Variants in TMTC2 observed in about 807,000 individuals in gnomAD.
The protein encoded by TMTC2 is transmembrane O-mannosyltransferase targeting cadherins 2.
Under a neutral mutation model 82.4 loss-of-function variants are expected in TMTC2, and 43 were observed. The ratio of observed to expected loss-of-function variants is 0.52; its 90% CI spans 0.41 to 0.67. The LOEUF is 0.67. TMTC2 is among the 30% of genes least tolerant of loss of function. TMTC2 has a pLI of 0.00. For synonymous variants in TMTC2, 408 were observed against 381.9 expected, an observed-to-expected ratio of 1.07 and a Z score of -0.80; for missense variants, 919 against 1,012.4, an observed-to-expected ratio of 0.91 and a Z score of 1.25.
chr12:82,945,131 G>A (rs540859073), intron 4 of TMTC2, among the ~76,000 whole-genome samples: 1 of 152,234 alleles, frequency 6.6e-6, no homozygotes, highest in African/African-American at 2.4e-5. Flanking sequence ...ATTAAGCCTT[G>A]CACTCCCCAC....
intron 1 of TMTC2, chr12:82,760,329 C>T (rs948109825): frequency 3.9e-5 from 6 of 152,024 alleles, no homozygotes; most frequent in African/African-American, 9.7e-5. Flanking sequence ...TCTGTTTATA[C>T]TCAGTGTCAA....
At chr12:83,051,663 G>A (rs1565869900) in intron 10 of TMTC2, among the ~76,000 whole-genome samples, 1 of 152,068 alleles carries the variant, frequency 6.6e-6, no homozygotes, top group Admixed American at 6.6e-5. Context: ...ATGTTTAATA[G>A]TGGAGAGGAT....
intron 9 of TMTC2, among the ~76,000 whole-genome samples, chr12:83,049,469 C>T (rs979397298): frequency 1.3e-5 from 2 of 152,136 alleles, no homozygotes; most frequent in Non-Finnish European, 2.9e-5. Context: ...CAGTTCCACC[C>T]AGGTTACTGC....
At chr12:83,038,110 G>A (rs889922577) in intron 9 of TMTC2, among the ~76,000 whole-genome samples, 2 of 139,944 alleles carry the variant, frequency 1.4e-5, no homozygotes, top group African/African-American at 5.4e-5. Flanking sequence ...ACACAGGAAG[G>A]GGAACATCAC....
chr12:82,892,506 G>A (rs1873446364), intron 2 of TMTC2, among the ~76,000 whole-genome samples: 1 of 150,668 alleles, frequency 6.6e-6, no homozygotes, highest in African/African-American at 2.5e-5. Flanking sequence ...AAAGAATAAA[G>A]TAGTTTTGCC....
chr12:83,118,689 A>G (rs1255058918), intron 11 of TMTC2, among the ~76,000 whole-genome samples: 1 of 152,192 alleles, frequency 6.6e-6, no homozygotes, highest in Non-Finnish European at 1.5e-5. Flanking sequence ...GCTTCATAGA[A>G]TGAATTAAGG....
chr12:82,955,582 A>C (rs2137286340), intron 4 of TMTC2, among the ~76,000 whole-genome samples: 1 of 152,322 alleles, frequency 6.6e-6, no homozygotes, highest in South Asian at 2.1e-4. Flanking sequence ...GATGATGATC[A>C]GGGGAAAAAA....
chr12:82,825,170 C>T (rs1459157186), intron 1 of TMTC2, among the ~76,000 whole-genome samples: 1 of 151,836 alleles, frequency 6.6e-6, no homozygotes, highest in Non-Finnish European at 1.5e-5. Context: ...CTTCCTTCCA[C>T]AGAAGAGGTG....
intron 1 of TMTC2, among the ~76,000 whole-genome samples, chr12:82,693,303 T>G (rs538845217): frequency 6.6e-6 from 1 of 152,232 alleles, no homozygotes; most frequent in African/African-American, 2.4e-5. Flanking sequence ...TGTTAGCTTC[T>G]TTTCCAAAAC....
chr12:82,851,935 CA>C (rs1174302857), intron 1 of TMTC2, among the ~76,000 whole-genome samples: 11 of 151,058 alleles, frequency 7.3e-5, no homozygotes, highest in South Asian at 2.1e-4. Flanking sequence ...GAAAGACACA[CA>C]AGGACAGTTT....
intron 1 of TMTC2, among the ~76,000 whole-genome samples, chr12:82,846,208 A>G (rs2137098543): frequency 6.6e-6 from 1 of 152,010 alleles, no homozygotes; most frequent in South Asian, 2.1e-4. Flanking sequence ...AAAATACAAA[A>G]ATTAGCCAGC....
chr12:82,689,399 C>A (rs2136880078), intron 1 of TMTC2, among the ~76,000 whole-genome samples: 1 of 152,112 alleles, frequency 6.6e-6, no homozygotes, highest in South Asian at 2.1e-4. Context: ...CTCTTGGGGG[C>A]AGTTTGAATA....
chr12:82,720,423 C>T (rs1022769662), intron 1 of TMTC2, among the ~76,000 whole-genome samples: 5 of 151,904 alleles, frequency 3.3e-5, no homozygotes, highest in Non-Finnish European at 5.9e-5. Flanking sequence ...AAATACAATT[C>T]CATTGTATGA....
chr12:82,747,136 T>G (rs1177451648), intron 1 of TMTC2, among the ~76,000 whole-genome samples: 1 of 152,216 alleles, frequency 6.6e-6, no homozygotes, highest in Non-Finnish European at 1.5e-5. Flanking sequence ...CCTCTACCAT[T>G]GTGGTGACTT....
intron 2 of TMTC2, among the ~76,000 whole-genome samples, chr12:82,885,192 C>A (rs1873028521): frequency 6.6e-6 from 1 of 150,444 alleles, no homozygotes; most frequent in Admixed American, 6.6e-5. Context: ...TGTGAGCTAC[C>A]ACACCCAGCC....
intron 9 of TMTC2, among the ~76,000 whole-genome samples, chr12:83,049,353 C>G (rs1285705513): frequency 6.6e-6 from 1 of 152,106 alleles, no homozygotes; most frequent in Non-Finnish European, 1.5e-5. Flanking sequence ...CCATTGTTCC[C>G]TTTTTGTGTC....
At position 82,856,940 on chromosome 12, in the gene TMTC2, T is replaced by C. The variant is rs950195955; in HGVS notation, c.84-70T>C. The C allele has an allele frequency of 2.8e-6, 4 of 1,423,076 alleles. No homozygotes were observed. The African/African-American group carries it at 5.7e-5, about 20-fold the overall frequency. The allele number at this position is 1,423,076 out of a possible 1,614,324, so 88.2% of individuals were successfully genotyped here. ...CAAAGCTTCTGAGAAAGGCAGTATCTTATCAATGTCATATTTTTTCTTTCT... is the reference window on the plus strand; with the variant it reads ...CAAAGCTTCTGAGAAAGGCAGTATCCTATCAATGTCATATTTTTTCTTTCT... On this transcript the variant is annotated intron_variant, in intron 1 of 11. Transcript: ENST00000321196.
chr12:82,799,107 A>G (rs1468470308), intron 1 of TMTC2, among the ~76,000 whole-genome samples: 2 of 152,170 alleles, frequency 1.3e-5, no homozygotes, highest in African/African-American at 2.4e-5. Context: ...AATTACTACC[A>G]GGGAATTATC....
At chr12:82,929,562 G>A (rs970402581) in intron 3 of TMTC2, among the ~76,000 whole-genome samples, 1 of 151,960 alleles carries the variant, frequency 6.6e-6, no homozygotes, top group Non-Finnish European at 1.5e-5. Context: ...TCATTTTTCA[G>A]GTACAGTCAG....
Sources: allele counts gnomAD v4.1 joint callset (sites outside exome capture counted in the v4.1 genomes callset), GRCh38; gene constraint gnomAD v4.1.1; transcripts MANE v1.5; gene names NCBI Gene and HGNC (gene_info 2026-07-23, HGNC 2026-07-21).